DOCK1: variants seen among roughly 807,000 people sequenced by gnomAD.
DOCK1 encodes the protein dedicator of cytokinesis 1.
A neutral mutation model predicts 262.7 loss-of-function variants in DOCK1; 138 were observed. That is an observed-to-expected ratio of 0.53 (90% confidence interval 0.46 to 0.61). The LOEUF is 0.61. DOCK1 is among the 20% of genes least tolerant of loss of function. DOCK1 has a pLI of 0.00. For missense variants in DOCK1, 1,908 were observed against 2,370.7 expected (o/e 0.80, Z 4.05); for synonymous variants, 866 against 867.4 (o/e 1.00, Z 0.03).
At position 127,433,372 on chromosome 10, in the gene DOCK1, G is replaced by A; in HGVS notation, c.5004G>A (p.Val1668=). 6.2e-7 allele frequency: 1 copy of A among 1,613,948 alleles called. No individual in the cohort carries two copies. The highest frequency in any genetic ancestry group is 1.1e-5 in the South Asian group (1 of 91,074). Residue 1668 remains valine, a synonymous_variant, in exon 48 of 52, where the codon GTG becomes GTA. Transcript: ENST00000623213. ...CTTCCTCATCCCGCCCTCTGTCTGT[G>A]GCCTCTGTCTCTTCCCTCTCATCGG... ...TMPSSSRPLS[V]ASVSSLSSDS... is the part of the protein sequence containing the mutation.
At chr10:127,092,834 A>C (rs1251614890) in intron 23 of DOCK1, among the ~76,000 whole-genome samples, 2 of 152,184 alleles carry the variant, frequency 1.3e-5, no homozygotes, top group Non-Finnish European at 2.9e-5. Context: ...AACAGAATGA[A>C]AATGGAAGGA....
chr10:127,240,805 G>A (rs532907084), intron 27 of DOCK1, among the ~76,000 whole-genome samples: 1 of 152,234 alleles, frequency 6.6e-6, no homozygotes, highest in South Asian at 2.1e-4. Flanking sequence ...ACAAGGAGAA[G>A]CTATCTCATT....
intron 29 of DOCK1, among the ~76,000 whole-genome samples, chr10:127,320,826 A>G (rs912166710): frequency 2.6e-5 from 4 of 152,086 alleles, no homozygotes; most frequent in East Asian, 1.9e-4. Flanking sequence ...TCATCTGTCT[A>G]CGTCCTCTGG....
intron 1 of DOCK1, among the ~76,000 whole-genome samples, chr10:126,966,971 AT>A (rs1440724829): frequency 2.0e-5 from 3 of 152,180 alleles, no homozygotes; most frequent in African/African-American, 7.2e-5. Context: ...CAGCCAGGCC[AT>A]TATAAAATGA....
At chr10:127,195,962 G>A (rs1170772746) in intron 27 of DOCK1, 2 of 152,308 alleles carry the variant, frequency 1.3e-5, no homozygotes, top group Non-Finnish European at 2.9e-5. Context: ...ACGGGCGCGG[G>A]GGCGCGGGAG....
intron 29 of DOCK1, among the ~76,000 whole-genome samples, chr10:127,280,372 T>G (rs1037803917): frequency 3.3e-5 from 5 of 152,170 alleles, no homozygotes; most frequent in African/African-American, 1.2e-4. Context: ...GAAACCTTTG[T>G]TCTTTGAGTA....
At chr10:126,938,222 A>G (rs1035656124) in intron 1 of DOCK1, among the ~76,000 whole-genome samples, 7 of 151,828 alleles carry the variant, frequency 4.6e-5, no homozygotes, top group Non-Finnish European at 7.4e-5. Context: ...AATTTTTTGT[A>G]TTTTTAGTAG....
rs146016558 is a variant in DOCK1 at position 127,418,891 on chromosome 10, A to T, written c.4692+350A>T. Among the ~76,000 whole-genome samples, 353 of 152,338 alleles carry T rather than the reference A, an allele frequency of 2.3e-3. 1 individual carries two copies. The highest frequency in any genetic ancestry group is 7.8e-3 in the African/African-American group (326 of 41,584). Reference sequence around the variant, plus strand: ...ACAAAAACACCAGAATATCAGGACTAGGGAGGTAGCGCTTTGACGGTGGAG... The same window carrying T: ...ACAAAAACACCAGAATATCAGGACTTGGGAGGTAGCGCTTTGACGGTGGAG... On this transcript the variant is annotated intron_variant, in intron 45 of 51. Coordinates refer to ENST00000623213, the MANE Select transcript of DOCK1 (RefSeq NM_001290223.2).
intron 23 of DOCK1, among the ~76,000 whole-genome samples, chr10:127,076,959 C>T (rs2046598510): frequency 6.6e-6 from 1 of 152,154 alleles, no homozygotes. Flanking sequence ...AGAACAGAGG[C>T]AGGGAGGTGC....
intron 22 of DOCK1, among the ~76,000 whole-genome samples, chr10:127,058,589 T>C (rs1225016380): frequency 6.6e-6 from 1 of 151,984 alleles, no homozygotes; most frequent in Non-Finnish European, 1.5e-5. Context: ...TTTTCCTCCT[T>C]TTTTGCCTTC....
intron 1 of DOCK1, among the ~76,000 whole-genome samples, chr10:126,969,342 C>T (rs1229604995): frequency 6.6e-6 from 1 of 152,194 alleles, no homozygotes; most frequent in Non-Finnish European, 1.5e-5. Context: ...CAGGAGGCTG[C>T]GTGCGCCTGA....
chr10:127,005,322 A>C (rs114245274), intron 10 of DOCK1, among the ~76,000 whole-genome samples: 2,530 of 151,014 alleles, frequency 0.017, 75 homozygotes, highest in African/African-American at 0.057. Flanking sequence ...ACAGAGTGAG[A>C]CACTCAAAAA....
At chr10:127,206,543 C>T (rs967767558) in intron 27 of DOCK1, among the ~76,000 whole-genome samples, 7 of 152,110 alleles carry the variant, frequency 4.6e-5, no homozygotes, top group Non-Finnish European at 1.0e-4. Flanking sequence ...GCACATGTTC[C>T]TTGGGTAAGA....
At chr10:127,255,974 G>A (rs1033678874) in intron 28 of DOCK1, among the ~76,000 whole-genome samples, 1 of 152,172 alleles carries the variant, frequency 6.6e-6, no homozygotes, top group Admixed American at 6.5e-5. Context: ...CGGAAGGGAG[G>A]ACTGGGATGC....
intron 32 of DOCK1, among the ~76,000 whole-genome samples, chr10:127,358,283 A>G (rs1408172164): frequency 6.6e-6 from 1 of 152,080 alleles, no homozygotes; most frequent in African/African-American, 2.4e-5. Flanking sequence ...GTTTTGCTCA[A>G]TTTAATGCAA....
At chr10:126,951,475 C>T (rs984091707) in intron 1 of DOCK1, among the ~76,000 whole-genome samples, 14 of 143,802 alleles carry the variant, frequency 9.7e-5, no homozygotes, top group South Asian at 2.3e-4. Context: ...TGGTAGTATT[C>T]GTAGTATTGT....
chr10:127,384,332 C>T (rs951990378), intron 37 of DOCK1, among the ~76,000 whole-genome samples: 1 of 152,164 alleles, frequency 6.6e-6, no homozygotes, highest in Admixed American at 6.5e-5. Context: ...AAAGACACCT[C>T]CCCATCTTTA....
intron 14 of DOCK1, among the ~76,000 whole-genome samples, chr10:127,023,679 C>G (rs1591705244): frequency 6.6e-6 from 1 of 151,096 alleles, no homozygotes; most frequent in Non-Finnish European, 1.5e-5. Context: ...CTCAAATAAT[C>G]CGCCCGCCTT....
At chr10:127,017,122 T>TA (rs1286303105) in intron 12 of DOCK1, among the ~76,000 whole-genome samples, 1 of 71,826 alleles carries the variant, frequency 1.4e-5, no homozygotes, top group Non-Finnish European at 2.8e-5. Context: ...TGATACACCA[T>TA]AAAAACAGAC....
Sources: gnomAD v4.1 joint callset for allele counts (sites outside exome capture counted in the v4.1 genomes callset) on GRCh38, gnomAD v4.1.1 for gene constraint, MANE v1.5 for transcripts, NCBI Gene and HGNC (gene_info 2026-07-23, HGNC 2026-07-21) for gene names.